Variants in ARHGEF26 observed in about 807,000 individuals in gnomAD.
The protein encoded by ARHGEF26 is Rho guanine nucleotide exchange factor 26.
ARHGEF26 carries 59 observed loss-of-function variants against 89.4 expected under a neutral mutation model. That is an observed-to-expected ratio of 0.66 (90% CI 0.54 to 0.82). ARHGEF26 has a LOEUF of 0.82. Ranked by LOEUF, ARHGEF26 falls within the 40% of genes least tolerant of loss-of-function variation. The probability of loss-of-function intolerance (pLI) is 0.00; values close to 1 mark genes in which losing one functional copy is unlikely to be tolerated. For missense variants in ARHGEF26, 1,234 were observed against 1,085.6 expected, an observed-to-expected ratio of 1.14 and a Z score of -1.92; for synonymous variants, 500 against 428.4, an observed-to-expected ratio of 1.17 and a Z score of -2.06.
At position 154,159,154 on chromosome 3, in the gene ARHGEF26, A is replaced by G. The variant is rs1019564159; in HGVS notation, c.1487+6222A>G. On this transcript the variant is annotated intron_variant, in intron 6 of 14. Transcript: ENST00000465093. ...ATAAAAAGATGGGTTTTTACTCTCA[A>G]TTCTGAGTTTTCATTCTAAATACCT... Among the ~76,000 whole-genome samples, 21 of 152,196 alleles carry G rather than the reference A, an allele frequency of 1.4e-4. No homozygotes were observed. The South Asian group carries it at 3.7e-3, about 27-fold the overall frequency.
At position 154,123,145 on chromosome 3, in the gene ARHGEF26, G is replaced by A. The variant is rs1718104441; in HGVS notation, c.1083+70G>A. On this transcript the variant is annotated intron_variant, in intron 2 of 14. Coordinates refer to ENST00000465093, the MANE Select transcript of ARHGEF26 (RefSeq NM_015595.4). ...GTAAATGTGTTGGGAGTGGGGAGGAGGAGCGTAGAGGAAACCCGAAGAAGT... is the reference window on the plus strand; with the variant it reads ...GTAAATGTGTTGGGAGTGGGGAGGAAGAGCGTAGAGGAAACCCGAAGAAGT... 1.9e-6 allele frequency: 3 copies of A among 1,569,338 alleles called. 1 individual carries two copies. Among genetic ancestry groups the A allele is most frequent in the African/African-American group, 1.4e-5 (1 of 73,884 alleles).
Position 154,150,325 on chromosome 3 carries a change from G to A in ARHGEF26, c.1326+880G>A, listed in dbSNP as rs368157465. On this transcript the variant is annotated intron_variant, in intron 5 of 14. Coordinates refer to ENST00000465093, the MANE Select transcript of ARHGEF26 (RefSeq NM_015595.4). ...AGAACATAAAACTGATAGTGTAGAA[G>A]GCCTGCATTCTCTTCCTCAGTCCTG... Among the ~76,000 whole-genome samples, 5 of 151,914 alleles carry A rather than the reference G, an allele frequency of 3.3e-5. No homozygotes were observed. In the South Asian group the frequency reaches 6.3e-4, roughly 19 times the overall value.
intron 9 of ARHGEF26, among the ~76,000 whole-genome samples, chr3:154,199,119 C>CA (rs1290445830): frequency 1.6e-4 from 24 of 151,824 alleles, no homozygotes; most frequent in Non-Finnish European, 3.1e-4. Context: ...ACTGTAGTCA[C>CA]CCTGTTGTGC....
rs751735547 is a variant in ARHGEF26, at chr3:154,255,351, C to T, written c.2494C>T (p.Leu832=). ...VSDGWYEGER[L]RDGERGWFPM... ...CACAGGCTGGTATGAGGGGGAACGA[C>T]TACGAGATGGAGAAAGAGGCTGGTT... Residue 832 remains leucine (L), a synonymous_variant, in exon 15 of 15, where the codon CTA becomes TTA. Coordinates refer to ENST00000465093, the MANE Select transcript of ARHGEF26 (RefSeq NM_015595.4). The T allele has an allele frequency of 9.9e-5, 159 of 1,613,114 alleles. No individual in the cohort carries two copies. In the Middle Eastern group the frequency reaches 1.3e-3, roughly 13 times the overall value.
At chr3:154,244,432 G>A (rs1166719456) in intron 12 of ARHGEF26, among the ~76,000 whole-genome samples, 1 of 152,150 alleles carries the variant, frequency 6.6e-6, no homozygotes, top group Non-Finnish European at 1.5e-5. Context: ...CACTGAGCCA[G>A]CTATAGAACA....
intron 6 of ARHGEF26, among the ~76,000 whole-genome samples, chr3:154,173,650 CTT>C (rs1052693702): frequency 6.6e-6 from 1 of 152,136 alleles, no homozygotes; most frequent in Non-Finnish European, 1.5e-5. Flanking sequence ...ATATGAGAAA[CTT>C]TTCAGGAGTA....
chr3:154,148,839 C>G (rs1719837383), intron 4 of ARHGEF26, among the ~76,000 whole-genome samples: 1 of 152,094 alleles, frequency 6.6e-6, no homozygotes. Context: ...GACCCAGGGT[C>G]AGGATGGTGG....
At chr3:154,221,734 G>A (rs942381439) in intron 10 of ARHGEF26, among the ~76,000 whole-genome samples, 25 of 152,290 alleles carry the variant, frequency 1.6e-4, no homozygotes, top group African/African-American at 6.0e-4. Flanking sequence ...AATACAGTTT[G>A]CTTTTGCAGA....
intron 12 of ARHGEF26, among the ~76,000 whole-genome samples, chr3:154,252,023 G>A (rs1417543111): frequency 6.6e-6 from 1 of 152,190 alleles, no homozygotes; most frequent in African/African-American, 2.4e-5. Context: ...CTGGGGCAAG[G>A]GTGCTATGTT....
At chr3:154,161,827 G>A (rs1442728424) in intron 6 of ARHGEF26, among the ~76,000 whole-genome samples, 1 of 152,150 alleles carries the variant, frequency 6.6e-6, no homozygotes, top group Non-Finnish European at 1.5e-5. Flanking sequence ...CCAGCCTGGT[G>A]TTTTCTTTGT....
intron 6 of ARHGEF26, among the ~76,000 whole-genome samples, chr3:154,164,807 T>A (rs569130925): frequency 6.6e-6 from 1 of 152,300 alleles, no homozygotes; most frequent in African/African-American, 2.4e-5. Context: ...AATATTTAGG[T>A]GTACATTTGT....
intron 9 of ARHGEF26, among the ~76,000 whole-genome samples, chr3:154,205,225 T>C (rs1027654265): frequency 6.6e-6 from 1 of 152,198 alleles, no homozygotes; most frequent in Non-Finnish European, 1.5e-5. Flanking sequence ...TTATATCCTC[T>C]TGCTGAATTG....
chr3:154,164,694 A>G (rs969292919), intron 6 of ARHGEF26, among the ~76,000 whole-genome samples: 17 of 152,276 alleles, frequency 1.1e-4, no homozygotes, highest in African/African-American at 2.9e-4. Context: ...ACAGGGCACA[A>G]TAGGAATGTT....
rs117729399 is a variant in ARHGEF26 at position 154,144,958 on chromosome 3, C to T, written c.1270-4431C>T. Among the ~76,000 whole-genome samples, 84 of 152,254 alleles carry T rather than the reference C, an allele frequency of 5.5e-4. 1 individual carries two copies. The East Asian group carries it at 0.014, about 26-fold the overall frequency. On this transcript the variant is annotated intron_variant, in intron 4 of 14. Transcript: ENST00000465093. Reference sequence around the variant, plus strand: ...CTACTTTTTCTTTCCTTAAAAAAAGCGTTCTCTCTCTCTGTTTACCCACCA... The same window carrying T: ...CTACTTTTTCTTTCCTTAAAAAAAGTGTTCTCTCTCTCTGTTTACCCACCA...
At chr3:154,186,437 C>A (rs1713556041) in intron 6 of ARHGEF26, among the ~76,000 whole-genome samples, 1 of 151,696 alleles carries the variant, frequency 6.6e-6, no homozygotes, top group Non-Finnish European at 1.5e-5. Flanking sequence ...ATTTAGGTGA[C>A]CCTAAATTGC....
At chr3:154,123,186 CTG>C in intron 2 of ARHGEF26, 111 bp downstream of exon 2, 2 of 1,454,006 alleles carry the variant, frequency 1.4e-6, no homozygotes, top group Non-Finnish European at 9.2e-7. Flanking sequence ...CGTTTTAATT[CTG>C]TGTTTTGCTC....
chr3:154,254,786 T>C lies in ARHGEF26; in HGVS notation c.2435T>C (p.Val812Ala). 6.2e-7 allele frequency: 1 copy of C among 1,613,810 alleles called. No homozygotes were observed. The highest frequency in any genetic ancestry group is 8.5e-7 in the Non-Finnish European group (1 of 1,179,808). Residue 812 changes from valine (V) to alanine (A), a missense_variant, in exon 14 of 15, where the codon GTG becomes GCG. Val to Ala is a moderately conservative substitution (Grantham distance 64, BLOSUM62 0). Coordinates refer to ENST00000465093, the MANE Select transcript of ARHGEF26 (RefSeq NM_015595.4). ...AKQPDELSLQVADVVLIYQRV... is the reference protein window; with the variant it reads ...AKQPDELSLQAADVVLIYQRV... ...CAGCCAGATGAACTCTCCCTGCAGG[T>C]GGCTGACGTCGTCCTCATCTATCAA...
chr3:154,186,013 T>C (rs1216674419), intron 6 of ARHGEF26, among the ~76,000 whole-genome samples: 3 of 152,122 alleles, frequency 2.0e-5, no homozygotes. Context: ...ACTGTGAGTG[T>C]TGGGAGGGAA....
intron 4 of ARHGEF26, among the ~76,000 whole-genome samples, chr3:154,139,305 CAT>C (rs973665873): frequency 2.6e-5 from 4 of 152,152 alleles, no homozygotes; most frequent in African/African-American, 9.7e-5. Flanking sequence ...TACCTGCACT[CAT>C]GTGGTGGTTT....
Sources: gnomAD v4.1 joint callset for allele counts (sites outside exome capture counted in the v4.1 genomes callset) on GRCh38, gnomAD v4.1.1 for gene constraint, MANE v1.5 for transcripts, NCBI Gene and HGNC (gene_info 2026-07-23, HGNC 2026-07-21) for gene names.